The following COL4A2 variants were observed in gnomAD, a reference collection of about 807,000 sequenced individuals.
The protein encoded by COL4A2 is collagen type IV alpha 2 chain.
COL4A2 carries 99 observed loss-of-function variants against 200.2 expected under a neutral mutation model. The observed-to-expected ratio is 0.49, with a 90% CI of 0.42 to 0.58. The LOEUF (loss-of-function observed/expected upper bound fraction) is 0.58, where lower values mean the gene tolerates loss of function less well. Among genes scored for constraint, COL4A2 ranks in the 20% least tolerant of loss-of-function variants. The pLI is 0.00. For missense variants in COL4A2, 1,950 were observed against 2,314.1 expected (o/e 0.84, Z 3.23); for synonymous variants, 897 against 900.6 (o/e 1.00, Z 0.07).
In COL4A2 at chr13:110,484,918, C is replaced by T; in HGVS notation, c.2916C>T (p.Asp972=). ...ATTCCCTTCCAGGCAGCCGAGGGGA[C>T]CCTGGGCCCCCAGGACCACCTCCTG... ...GEPGFKGSRG[D]PGPPGPPPVI... is the part of the protein sequence containing the mutation. The change falls in exon 33 of 48, where the codon GAC becomes GAT. Residue 972 remains aspartate, a synonymous_variant. Coordinates refer to ENST00000360467, the MANE Select transcript of COL4A2 (RefSeq NM_001846.4). The T allele has an allele frequency of 6.2e-7, 1 of 1,611,560 alleles. No individual in the cohort carries two copies. Among genetic ancestry groups the T allele is most frequent in the South Asian group, 1.1e-5 (1 of 90,948 alleles).
At chr13:110,493,309 T>C (rs1226662021) in intron 39 of COL4A2, 27 bp downstream of exon 39, 1 of 1,612,638 alleles carries the variant, frequency 6.2e-7, no homozygotes, top group Non-Finnish European at 8.5e-7. Context: ...CAGCCCCGAG[T>C]CCCACGCAGA....
At chr13:110,469,763 A>G (rs956300983) in intron 28 of COL4A2, among the ~76,000 whole-genome samples, 3 of 152,176 alleles carry the variant, frequency 2.0e-5, no homozygotes, top group African/African-American at 7.2e-5. Context: ...TCCCTTAACC[A>G]GCTCTGGTGA....
chr13:110,372,727 A>G (rs1878070817), intron 4 of COL4A2, among the ~76,000 whole-genome samples: 1 of 152,240 alleles, frequency 6.6e-6, no homozygotes, highest in Non-Finnish European at 1.5e-5. Flanking sequence ...TGTGGCCACT[A>G]CAGTGAAGCA....
At chr13:110,436,950 C>T (rs1425363243) in intron 13 of COL4A2, among the ~76,000 whole-genome samples, 8 of 152,354 alleles carry the variant, frequency 5.3e-5, no homozygotes, top group African/African-American at 1.7e-4. Flanking sequence ...CCTGTTCCCC[C>T]TGTCAAATGG....
intron 15 of COL4A2, 45 bp from the exon 16 acceptor site, chr13:110,439,744 A>T: frequency 6.2e-7 from 1 of 1,613,358 alleles, no homozygotes; most frequent in Non-Finnish European, 8.5e-7. Context: ...GGAAATGTCT[A>T]CTGCATATTC....
intron 46 of COL4A2, chr13:110,507,300 A>G (rs1000312176): frequency 6.5e-6 from 1 of 152,886 alleles, no homozygotes; most frequent in African/African-American, 2.4e-5. Context: ...ATGAGTTTCT[A>G]AAGAACAACG....
In COL4A2 at chr13:110,434,457, G is replaced by C. The variant is rs763958259; in HGVS notation, c.726+15G>C. On this transcript the variant is annotated intron_variant, in intron 12 of 47. Coordinates refer to ENST00000360467, the MANE Select transcript of COL4A2 (RefSeq NM_001846.4). Reference sequence around the variant, plus strand: ...AGGGTGAAAAGGTAAAGGAAGCCTGGTCAATTCCAGCAGAGGCATGCAGCA... The same window carrying C: ...AGGGTGAAAAGGTAAAGGAAGCCTGCTCAATTCCAGCAGAGGCATGCAGCA... 1.4e-5 allele frequency: 23 copies of C among 1,612,920 alleles called. No homozygotes were observed. Among genetic ancestry groups the C allele is most frequent in the Non-Finnish European group, 2.0e-5 (23 of 1,179,142 alleles).
chr13:110,465,871 C>A, intron 25 of COL4A2, 132 bp from the exon 26 acceptor site: 2 of 1,125,922 alleles, frequency 1.8e-6, no homozygotes, highest in Non-Finnish European at 2.5e-6. Flanking sequence ...CGTTCCCTGC[C>A]CATTTCAAAG....
At chr13:110,425,720 G>A (rs565397155) in intron 6 of COL4A2, among the ~76,000 whole-genome samples, 3 of 152,292 alleles carry the variant, frequency 2.0e-5, no homozygotes, top group East Asian at 1.9e-4. Flanking sequence ...GTGTGTGCCC[G>A]TGTCCTGCAG....
rs76425569 is a variant in COL4A2 at position 110,449,695 on chromosome 13, G to A, written c.1095G>A (p.Pro365=). ...CCCTTCCAGGTGCCAGAGGTGACCC[G>A]GGATTCCCAGGGGCCCAAGGGGAGC... ...PSLAKGARGD[P]GFPGAQGEPG... The change falls in exon 19 of 48, where the codon CCG becomes CCA. Residue 365 remains proline (P), a synonymous_variant. Transcript: ENST00000360467. The A allele has an allele frequency of 0.35, 546,512 of 1,547,466 alleles. 100,692 individuals are homozygous for A. The highest frequency in any genetic ancestry group is 0.38 in the Non-Finnish European group (436,167 of 1,144,726).
chr13:110,504,288 TTCCC>T, intron 45 of COL4A2, 24 bp downstream of exon 45: 2 of 1,570,992 alleles, frequency 1.3e-6, no homozygotes, highest in Non-Finnish European at 1.8e-6. Flanking sequence ...GGGAAGGACC[TTCCC>T]AGGTCCTAGT....
chr13:110,356,736 A>G (rs1877284525), intron 3 of COL4A2, among the ~76,000 whole-genome samples: 1 of 150,934 alleles, frequency 6.6e-6, no homozygotes, highest in African/African-American at 2.4e-5. Context: ...CTGAAGGTCC[A>G]GGACTTTGCT....
chr13:110,440,521 G>A (rs1355750725), intron 16 of COL4A2, among the ~76,000 whole-genome samples: 2 of 152,098 alleles, frequency 1.3e-5, no homozygotes, highest in Non-Finnish European at 2.9e-5. Context: ...ACTTGAACCT[G>A]GGAGGCAGAG....
chr13:110,458,449 C>T (rs542572555), intron 21 of COL4A2, among the ~76,000 whole-genome samples: 1 of 152,354 alleles, frequency 6.6e-6, no homozygotes, highest in South Asian at 2.1e-4. Context: ...ATCTTCAGCT[C>T]TAAGCACTGA....
In COL4A2 at chr13:110,466,268, A is replaced by T. The variant is rs1927353; in HGVS notation, c.2038+206A>T. On this transcript the variant is annotated intron_variant, in intron 26 of 47. Coordinates refer to ENST00000360467, the MANE Select transcript of COL4A2 (RefSeq NM_001846.4). ...TAGAGACGGAGAGACATTTAACCAAACCCCTCTTGTCAGAAATCCTTTTTC... is the reference window on the plus strand; with the variant it reads ...TAGAGACGGAGAGACATTTAACCAATCCCCTCTTGTCAGAAATCCTTTTTC... 0.6 allele frequency among the ~76,000 whole-genome samples: 90,629 copies of T among 152,088 alleles called. 27,906 individuals carry two copies. The highest frequency in any genetic ancestry group is 0.73 in the Middle Eastern group (215 of 294).
At chr13:110,500,906 A>G (rs1883614952) in intron 40 of COL4A2, among the ~76,000 whole-genome samples, 1 of 152,210 alleles carries the variant, frequency 6.6e-6, no homozygotes, top group Non-Finnish European at 1.5e-5. Context: ...GCACTTCAAC[A>G]CAATACATGG....
Position 110,508,212 on chromosome 13 carries a change from C to A in COL4A2, c.4872C>A (p.Ser1624=). ...GGCGGAGTTTGTGGATCGGATATTC[C>A]TTCCTCATGGTATGTGGTATTTGCC... ...AGWRSLWIGY[S]FLMHTAAGDE... is the part of the protein sequence containing the mutation. The change falls in exon 47 of 48, where the codon TCC becomes TCA. Residue 1624 remains serine (S), a synonymous_variant. Transcript: ENST00000360467. The surrounding 1 kb of genome is among the most constrained non-coding windows in gnomAD (Gnocchi z 6.1). 2.5e-6 allele frequency: 4 copies of A among 1,614,044 alleles called. No homozygotes were observed. The highest frequency in any genetic ancestry group is 3.4e-6 in the Non-Finnish European group (4 of 1,179,858).
At chr13:110,405,828 G>T (rs1420215974) in intron 4 of COL4A2, among the ~76,000 whole-genome samples, 5 of 152,190 alleles carry the variant, frequency 3.3e-5, no homozygotes, top group African/African-American at 7.2e-5. Context: ...GCTGCTCAAT[G>T]GATTCTAAGA....
At chr13:110,377,112 G>C (rs1878268620) in intron 4 of COL4A2, among the ~76,000 whole-genome samples, 1 of 151,164 alleles carries the variant, frequency 6.6e-6, no homozygotes, top group Non-Finnish European at 1.5e-5. Context: ...TGGGTGGTGA[G>C]TGTCTTATAC....
Sources: allele counts gnomAD v4.1 joint callset (sites outside exome capture counted in the v4.1 genomes callset), GRCh38; gene constraint gnomAD v4.1.1; non-coding constraint Gnocchi (gnomAD v3.1); transcripts MANE v1.5; gene names NCBI Gene and HGNC (gene_info 2026-07-23, HGNC 2026-07-21).